The following LARP1 variants were observed in gnomAD, a reference collection of about 807,000 sequenced individuals.
LARP1 encodes La ribonucleoprotein 1, translational regulator.
LARP1 carries 36 observed loss-of-function variants against 122.7 expected under a neutral mutation model. The ratio of observed to expected loss-of-function variants is 0.29; its 90% CI spans 0.22 to 0.39. The LOEUF is 0.39. Ranked by LOEUF, LARP1 falls within the 10% of genes least tolerant of loss-of-function variation. The pLI is 1.00. For missense variants in LARP1, 1,040 were observed against 1,403.6 expected (o/e 0.74, Z 4.14); for synonymous variants, 539 against 528.7 (o/e 1.02, Z -0.27).
At chr5:154,772,608 C>A (rs1755530857) in intron 1 of LARP1, among the ~76,000 whole-genome samples, 1 of 152,136 alleles carries the variant, frequency 6.6e-6, no homozygotes. Flanking sequence ...AAGAGATTAA[C>A]AACAACAAAA....
At chr5:154,756,551 C>T (rs906108379) in intron 1 of LARP1, 26 of 958,014 alleles carry the variant, frequency 2.7e-5, no homozygotes, top group Admixed American at 6.2e-5. Flanking sequence ...TTTGAACCTT[C>T]CTCTGGAAGC....
intron 16 of LARP1, among the ~76,000 whole-genome samples, chr5:154,810,391 G>A (rs1230348494): frequency 4.0e-5 from 6 of 151,448 alleles, no homozygotes; most frequent in South Asian, 2.1e-4. Flanking sequence ...AGCCAAGATC[G>A]TGCCACTGCA....
chr5:154,688,699 G>A (rs114665096), intron 1 of LARP1, among the ~76,000 whole-genome samples: 213 of 149,392 alleles, frequency 1.4e-3, no homozygotes, highest in African/African-American at 5.1e-3. Context: ...AGTGGCACAT[G>A]CCTGTAGTCC....
chr5:154,789,806 C>T (rs1757195926), intron 1 of LARP1, among the ~76,000 whole-genome samples: 1 of 152,210 alleles, frequency 6.6e-6, no homozygotes, highest in African/African-American at 2.4e-5. Context: ...AAAAATGTTT[C>T]CTGAGCAGCT....
At chr5:154,782,455 G>A (rs767455504) in intron 1 of LARP1, among the ~76,000 whole-genome samples, 2 of 152,118 alleles carry the variant, frequency 1.3e-5, no homozygotes, top group Non-Finnish European at 2.9e-5. Flanking sequence ...ACATCTGGGC[G>A]GGGAGAGTGG....
chr5:154,755,767 C>G lies in LARP1; in HGVS notation c.10C>G (p.Gln4Glu). Residue 4 changes from glutamine to glutamate, a missense_variant, in exon 1 of 19, where the codon CAG (glutamine) becomes GAG (glutamate). Coordinates refer to ENST00000518297, the MANE Select transcript of LARP1 (RefSeq NM_033551.3). MATQVEPLLPGGAT... is the reference protein window; with the variant it reads MATEVEPLLPGGAT... ...GGGGGCGGGCGCGCAGATGGCCACT[C>G]AGGTGGAGCCGCTGCTGCCTGGGGG... The G allele has an allele frequency of 1.0e-6, 1 of 988,238 alleles. No homozygotes were observed. 61.2% of individuals were successfully genotyped at this position (988,238 alleles called of 1,614,324 possible).
At chr5:154,698,026 G>T (rs56159230) in intron 1 of LARP1, among the ~76,000 whole-genome samples, 13,302 of 147,132 alleles carry the variant, frequency 0.09, 1,264 homozygotes, top group African/African-American at 0.24. Context: ...AGGTTGGGTG[G>T]TTTTTTTTTT....
At chr5:154,801,710 T>A (rs1313314493) in intron 10 of LARP1, among the ~76,000 whole-genome samples, 1 of 152,204 alleles carries the variant, frequency 6.6e-6, no homozygotes, top group African/African-American at 2.4e-5. Context: ...AGGTGCTATG[T>A]AGGATATAAA....
intron 1 of LARP1, among the ~76,000 whole-genome samples, chr5:154,690,766 G>C (rs1235459757): frequency 1.0e-4 from 1 of 9,848 alleles, no homozygotes; most frequent in Non-Finnish European, 2.0e-4. Flanking sequence ...TGACCCGGGC[G>C]GGGGGGCTGT....
At chr5:154,775,496 A>G (rs1582372865) in intron 1 of LARP1, among the ~76,000 whole-genome samples, 2 of 149,930 alleles carry the variant, frequency 1.3e-5, no homozygotes, top group Non-Finnish European at 3.0e-5. Context: ...CCTCCCTCAA[A>G]AAAAAAAAAA....
At chr5:154,742,571 A>G (rs1340838644) in intron 1 of LARP1, among the ~76,000 whole-genome samples, 1 of 151,954 alleles carries the variant, frequency 6.6e-6, no homozygotes, top group Non-Finnish European at 1.5e-5. Context: ...AAATGTATAT[A>G]TACAAAAAAT....
chr5:154,684,023 G>A (rs1297788254), intron 1 of LARP1, among the ~76,000 whole-genome samples: 3 of 152,150 alleles, frequency 2.0e-5, no homozygotes, highest in African/African-American at 4.8e-5. Flanking sequence ...AGTTGTTTTC[G>A]GGTCATTGGA....
intron 1 of LARP1, chr5:154,729,676 C>A: frequency 2.9e-6 from 1 of 350,560 alleles, no homozygotes; most frequent in South Asian, 2.6e-5. Context: ...GAATCTATCC[C>A]TATGAATTCG....
intron 1 of LARP1, chr5:154,685,764 A>G (rs562762315): frequency 4.1e-6 from 2 of 491,912 alleles, no homozygotes; most frequent in South Asian, 3.0e-5. Flanking sequence ...TGAGGCCGGG[A>G]GTTTGAGATC....
At chr5:154,801,124 A>T (rs1582459249) in intron 10 of LARP1, among the ~76,000 whole-genome samples, 1 of 152,242 alleles carries the variant, frequency 6.6e-6, no homozygotes, top group South Asian at 2.1e-4. Flanking sequence ...TCTACTTTTG[A>T]ATAAATACTG....
chr5:154,776,511 A>T (rs865841988), intron 1 of LARP1, among the ~76,000 whole-genome samples: 1 of 152,206 alleles, frequency 6.6e-6, no homozygotes, highest in Non-Finnish European at 1.5e-5. Flanking sequence ...TCCTGTCTAT[A>T]CAAGTGAGAC....
chr5:154,791,752 C>T (rs1040385742), intron 3 of LARP1, among the ~76,000 whole-genome samples: 3 of 152,164 alleles, frequency 2.0e-5, no homozygotes, highest in Non-Finnish European at 2.9e-5. Flanking sequence ...GTTGGCCTTC[C>T]GTGTATGCAG....
chr5:154,713,175 G>A, intron 1 of LARP1: 1 of 1,538,360 alleles, frequency 6.5e-7, no homozygotes, highest in Non-Finnish European at 8.9e-7. Context: ...GGACAGCAGG[G>A]TGTGGTAGGA....
chr5:154,685,893 G>A (rs769851029), intron 1 of LARP1: 7 of 493,552 alleles, frequency 1.4e-5, no homozygotes, highest in South Asian at 1.1e-4. Flanking sequence ...GCCCTAAGTG[G>A]GAGCCCTACT....
Sources: gnomAD v4.1 joint callset for allele counts (sites outside exome capture counted in the v4.1 genomes callset) on GRCh38, gnomAD v4.1.1 for gene constraint, MANE v1.5 for transcripts, NCBI Gene and HGNC (gene_info 2026-07-23, HGNC 2026-07-21) for gene names.